Variants in TMEM132D observed in about 807,000 individuals in gnomAD.
The protein encoded by TMEM132D is mature OL transmembrane protein.
TMEM132D carries 21 observed loss-of-function variants against 62.3 expected under a neutral mutation model. The ratio of observed to expected loss-of-function variants is 0.34; its 90% CI spans 0.24 to 0.49. The LOEUF is 0.49. Among genes scored for constraint, TMEM132D ranks in the 20% least tolerant of loss-of-function variants. TMEM132D has a pLI of 0.99. For missense variants in TMEM132D, 1,346 were observed against 1,402.8 expected, an observed-to-expected ratio of 0.96 and a Z score of 0.65; for synonymous variants, 621 against 575.6, an observed-to-expected ratio of 1.08 and a Z score of -1.13.
At chr12:129,385,745 A>G (rs1344142703) in intron 3 of TMEM132D, among the ~76,000 whole-genome samples, 3 of 152,252 alleles carry the variant, frequency 2.0e-5, no homozygotes, top group Admixed American at 6.5e-5. Flanking sequence ...CTGTTTGCTC[A>G]GAAGGCAAAC....
At chr12:129,367,797 T>G (rs1433810700) in intron 3 of TMEM132D, among the ~76,000 whole-genome samples, 1 of 149,198 alleles carries the variant, frequency 6.7e-6, no homozygotes, top group Non-Finnish European at 1.5e-5. Context: ...TTTTTTTTCG[T>G]TTTTTTGAGA....
At chr12:129,081,394 G>A (rs560006310) in intron 7 of TMEM132D, among the ~76,000 whole-genome samples, 1 of 152,246 alleles carries the variant, frequency 6.6e-6, no homozygotes, top group South Asian at 2.1e-4. Flanking sequence ...TGCTTCCCAG[G>A]CCCGAGCGAT....
intron 1 of TMEM132D, among the ~76,000 whole-genome samples, chr12:129,716,748 T>C (rs2137240502): frequency 6.6e-6 from 1 of 151,776 alleles, no homozygotes; most frequent in South Asian, 2.1e-4. Context: ...TGCTTAAGAG[T>C]GGAAGAGGGA....
rs555162747 is a variant in TMEM132D at position 129,770,400 on chromosome 12, C to T, written c.80-69702G>A. Among the ~76,000 whole-genome samples, 84 of 152,258 alleles carry T rather than the reference C, an allele frequency of 5.5e-4. 4 individuals are homozygous for T. The highest frequency in any genetic ancestry group is 1.8e-3 in the African/African-American group (76 of 41,544). Reference sequence around the variant, plus strand: ...CTCGTGATCTGCCTGCCTCGGCCTCCCAAAATGCTGGGATTACAGGCGTGG... The same window carrying T: ...CTCGTGATCTGCCTGCCTCGGCCTCTCAAAATGCTGGGATTACAGGCGTGG... On this transcript the variant is annotated intron_variant, in intron 1 of 8. Coordinates refer to ENST00000422113, the MANE Select transcript of TMEM132D (RefSeq NM_133448.3).
intron 3 of TMEM132D, among the ~76,000 whole-genome samples, chr12:129,501,611 C>T (rs1208381054): frequency 1.3e-5 from 2 of 151,902 alleles, no homozygotes; most frequent in Non-Finnish European, 2.9e-5. Flanking sequence ...CTCAAGCGAT[C>T]CTCCTGCCTC....
intron 2 of TMEM132D, among the ~76,000 whole-genome samples, chr12:129,639,900 T>C (rs1371611131): frequency 6.6e-6 from 1 of 152,166 alleles, no homozygotes; most frequent in Non-Finnish European, 1.5e-5. Flanking sequence ...ACAGTGAAGA[T>C]AGTAATTTGC....
At chr12:129,770,059 A>G (rs562844390) in intron 1 of TMEM132D, among the ~76,000 whole-genome samples, 2 of 151,362 alleles carry the variant, frequency 1.3e-5, no homozygotes, top group African/African-American at 4.9e-5. Flanking sequence ...GGCTCAAGCA[A>G]TCCTCCCACT....
intron 8 of TMEM132D, among the ~76,000 whole-genome samples, 154 bp downstream of exon 8, chr12:129,078,380 A>C: frequency 6.6e-6 from 1 of 152,204 alleles, no homozygotes; most frequent in East Asian, 1.9e-4. Flanking sequence ...CAGAGGAGTC[A>C]CCTGCTTCAG....
At chr12:129,561,808 T>A (rs1283706543) in intron 2 of TMEM132D, among the ~76,000 whole-genome samples, 1 of 152,134 alleles carries the variant, frequency 6.6e-6, no homozygotes, top group African/African-American at 2.4e-5. Context: ...AGAATATAAA[T>A]CTCAGGAGGT....
intron 1 of TMEM132D, among the ~76,000 whole-genome samples, chr12:129,888,285 G>C (rs1156598022): frequency 2.6e-5 from 4 of 152,198 alleles, no homozygotes; most frequent in Non-Finnish European, 4.4e-5. Context: ...CCAAAGGATA[G>C]AGTAACTTCT....
intron 1 of TMEM132D, among the ~76,000 whole-genome samples, chr12:129,793,220 C>T (rs1055116963): frequency 2.6e-5 from 4 of 151,978 alleles, no homozygotes; most frequent in East Asian, 3.9e-4. Context: ...GCCTGATCTT[C>T]GTATTATATC....
intron 3 of TMEM132D, among the ~76,000 whole-genome samples, chr12:129,502,610 T>C (rs936240204): frequency 3.3e-5 from 5 of 152,160 alleles, no homozygotes; most frequent in African/African-American, 1.2e-4. Flanking sequence ...GTGAGTACCC[T>C]TTTCAGGCAG....
chr12:129,512,284 A>C (rs1275655758), intron 3 of TMEM132D, among the ~76,000 whole-genome samples: 1 of 152,188 alleles, frequency 6.6e-6, no homozygotes, highest in African/African-American at 2.4e-5. Context: ...CACAGGACAA[A>C]GGCTGGTGTC....
At chr12:129,437,258 A>T (rs1872811224) in intron 3 of TMEM132D, among the ~76,000 whole-genome samples, 1 of 152,186 alleles carries the variant, frequency 6.6e-6, no homozygotes, top group African/African-American at 2.4e-5. Context: ...CTTTGAAGCC[A>T]CAGGTTAGGA....
chr12:129,346,978 T>C (rs1360730443), intron 3 of TMEM132D, among the ~76,000 whole-genome samples: 1 of 151,904 alleles, frequency 6.6e-6, no homozygotes, highest in Admixed American at 6.6e-5. Context: ...GAGAATACAA[T>C]ACCTAGGAAT....
intron 4 of TMEM132D, among the ~76,000 whole-genome samples, chr12:129,317,276 G>A (rs1193343619): frequency 1.3e-5 from 2 of 152,118 alleles, no homozygotes; most frequent in Non-Finnish European, 2.9e-5. Context: ...GTTTTGATGT[G>A]GTTCCAGGAT....
intron 4 of TMEM132D, among the ~76,000 whole-genome samples, chr12:129,218,687 T>C (rs985513832): frequency 3.9e-5 from 6 of 152,184 alleles, no homozygotes; most frequent in Admixed American, 3.3e-4. Flanking sequence ...GTTTTTGAGG[T>C]TTCATTCTAA....
At chr12:129,101,747 A>G (rs1875314179) in intron 5 of TMEM132D, among the ~76,000 whole-genome samples, 1 of 152,168 alleles carries the variant, frequency 6.6e-6, no homozygotes. Context: ...GTGACAGTTC[A>G]TTTATCATAT....
In TMEM132D at chr12:129,861,385, A is replaced by T. The variant is rs77740525; in HGVS notation, c.79+41876T>A. Among the ~76,000 whole-genome samples the T allele has an allele frequency of 1.8e-3, 279 of 152,248 alleles. 3 individuals are homozygous for T. Among genetic ancestry groups the T allele is most frequent in the African/African-American group, 5.8e-3 (241 of 41,552 alleles). On this transcript the variant is annotated intron_variant, in intron 1 of 8. Coordinates refer to ENST00000422113, the MANE Select transcript of TMEM132D (RefSeq NM_133448.3). ...GACAATAGCCCTTCCCCAAAATTAA[A>T]CCTCCTCGGTAAAACCAATGAAAGC...
Sources: gnomAD v4.1 joint callset for allele counts (sites outside exome capture counted in the v4.1 genomes callset) on GRCh38, gnomAD v4.1.1 for gene constraint, MANE v1.5 for transcripts, NCBI Gene and HGNC (gene_info 2026-07-23, HGNC 2026-07-21) for gene names.